The following TANGO6 variants were observed in gnomAD, a reference collection of about 807,000 sequenced individuals.
TANGO6 encodes transport and golgi organization 6 homolog.
In TANGO6, 90 loss-of-function variants were observed where a neutral mutation model predicts 114.2. The observed-to-expected ratio is 0.79, with a 90% CI of 0.66 to 0.94. The LOEUF (loss-of-function observed/expected upper bound fraction) is 0.94, where lower values mean the gene tolerates loss of function less well. TANGO6 is among the 40% of genes least tolerant of loss of function. The pLI is 0.00. For missense variants in TANGO6, 1,274 were observed against 1,315.3 expected, an observed-to-expected ratio of 0.97 and a Z score of 0.49; for synonymous variants, 477 against 509.8, an observed-to-expected ratio of 0.94 and a Z score of 0.87.
intron 15 of TANGO6, among the ~76,000 whole-genome samples, chr16:68,983,905 T>C (rs6499212): frequency 0.14 from 21,894 of 151,674 alleles, 2,173 homozygotes; most frequent in African/African-American, 0.27. Flanking sequence ...TGTTGGCGGG[T>C]GCCTGTTGTC....
chr16:68,891,937 G>T (rs1394316900), intron 7 of TANGO6, among the ~76,000 whole-genome samples: 1 of 148,408 alleles, frequency 6.7e-6, no homozygotes, highest in Non-Finnish European at 1.5e-5. Context: ...GAGGGAGGGA[G>T]AGAGGAAGGA....
chr16:69,016,859 C>G (rs1044437503), intron 15 of TANGO6, among the ~76,000 whole-genome samples: 1 of 152,036 alleles, frequency 6.6e-6, no homozygotes, highest in Non-Finnish European at 1.5e-5. Flanking sequence ...ATGGGTTTCA[C>G]CATGTTGGCC....
chr16:69,057,776 G>A (rs1242865658), intron 17 of TANGO6, among the ~76,000 whole-genome samples: 1 of 152,114 alleles, frequency 6.6e-6, no homozygotes, highest in African/African-American at 2.4e-5. Flanking sequence ...AAGTGTTCAG[G>A]CACCCGGGTT....
chr16:68,980,409 C>CTCTCTCTCTCTATATA (rs1408626276), intron 15 of TANGO6, among the ~76,000 whole-genome samples: 4 of 67,992 alleles, frequency 5.9e-5, no homozygotes, highest in African/African-American at 2.6e-4. Flanking sequence ...CTCTCTCTCT[C>CTCTCTCTCTCTATATA]TATATATATA....
intron 15 of TANGO6, among the ~76,000 whole-genome samples, chr16:68,998,166 T>A (rs1040641812): frequency 6.6e-6 from 1 of 152,218 alleles, no homozygotes; most frequent in Non-Finnish European, 1.5e-5. Context: ...TTTCATGAAC[T>A]GGGCAGTTGT....
chr16:69,015,492 A>ATTTATTTATTTATTTC (rs1959279352), intron 15 of TANGO6, among the ~76,000 whole-genome samples: 1 of 151,230 alleles, frequency 6.6e-6, no homozygotes, highest in Non-Finnish European at 1.5e-5. Flanking sequence ...TTATTTATTT[A>ATTTATTTATTTATTTC]TTTATTTTAA....
At chr16:69,038,654 A>G (rs1959727865) in intron 16 of TANGO6, among the ~76,000 whole-genome samples, 1 of 152,186 alleles carries the variant, frequency 6.6e-6, no homozygotes, top group African/African-American at 2.4e-5. Context: ...TGGCTGTTAC[A>G]TTCAACTGTT....
intron 15 of TANGO6, among the ~76,000 whole-genome samples, chr16:68,980,888 G>A (rs1282263048): frequency 6.6e-6 from 1 of 151,770 alleles, no homozygotes; most frequent in East Asian, 2.0e-4. Context: ...CCAGCTACTC[G>A]GGAAGCTGAC....
intron 15 of TANGO6, among the ~76,000 whole-genome samples, chr16:69,015,770 G>A (rs1035249044): frequency 5.9e-5 from 9 of 151,966 alleles, no homozygotes; most frequent in East Asian, 5.8e-4. Context: ...ATGAGCCACC[G>A]CACCTGGCCA....
chr16:69,050,480 A>T (rs1959931169), intron 17 of TANGO6, among the ~76,000 whole-genome samples: 2 of 148,762 alleles, frequency 1.3e-5, no homozygotes, highest in South Asian at 4.2e-4. Context: ...CTATGCCACC[A>T]TGCCCAGCTA....
intron 7 of TANGO6, among the ~76,000 whole-genome samples, chr16:68,894,660 G>T (rs1348795482): frequency 1.3e-5 from 2 of 152,182 alleles, no homozygotes; most frequent in East Asian, 1.9e-4. Context: ...ATCTCATTAT[G>T]CACAGGGGAA....
chr16:68,912,720 C>G (rs1482457913), intron 11 of TANGO6, among the ~76,000 whole-genome samples: 2 of 151,830 alleles, frequency 1.3e-5, no homozygotes, highest in Admixed American at 6.6e-5. Flanking sequence ...GTGTACTGAA[C>G]ACGTTTATCT....
intron 17 of TANGO6, among the ~76,000 whole-genome samples, chr16:69,064,850 G>A (rs1960189562): frequency 6.6e-6 from 1 of 152,172 alleles, no homozygotes; most frequent in Non-Finnish European, 1.5e-5. Flanking sequence ...TTCAGATGCT[G>A]TCTAATCCCA....
intron 15 of TANGO6, among the ~76,000 whole-genome samples, chr16:68,985,152 C>A (rs1034200880): frequency 3.3e-5 from 5 of 151,922 alleles, no homozygotes; most frequent in Admixed American, 6.6e-5. Context: ...GGATTACAGG[C>A]GTGAACTACC....
chr16:68,864,483 A>C (rs1385103630), intron 3 of TANGO6, among the ~76,000 whole-genome samples: 3 of 152,096 alleles, frequency 2.0e-5, no homozygotes, highest in Admixed American at 6.6e-5. Context: ...CTGGAAGCTG[A>C]GGTGGGAGGA....
In TANGO6 at chr16:69,045,415, G is replaced by A. The variant is rs1309872174; in HGVS notation, c.3108+4994G>A. Among the ~76,000 whole-genome samples the A allele has an allele frequency of 3.6e-5, 5 of 138,710 alleles. No homozygotes were observed. In the East Asian group the frequency reaches 1.1e-3, roughly 29 times the overall value. The allele number at this position is 138,710 out of a possible 152,430, so 91.0% of individuals were successfully genotyped here. On this transcript the variant is annotated intron_variant, in intron 17 of 17. Transcript: ENST00000261778. ...GCCAAGATCGAGCCACTGCACTCCA[G>A]CCTGGGTGACTGAGCGAGACTCCAT...
At chr16:69,055,447 T>C (rs1054232847) in intron 17 of TANGO6, among the ~76,000 whole-genome samples, 1 of 152,228 alleles carries the variant, frequency 6.6e-6, no homozygotes, top group Non-Finnish European at 1.5e-5. Context: ...CCCAGTGTTA[T>C]ATCCAACACT....
At chr16:69,063,908 C>T (rs2152241111) in intron 17 of TANGO6, among the ~76,000 whole-genome samples, 1 of 151,590 alleles carries the variant, frequency 6.6e-6, no homozygotes, top group African/African-American at 2.4e-5. Flanking sequence ...ACGATCTCAA[C>T]TAACTGCAAA....
intron 3 of TANGO6, 129 bp from the exon 4 acceptor site, chr16:68,866,950 A>C: frequency 4.3e-6 from 4 of 921,306 alleles, no homozygotes; most frequent in Non-Finnish European, 6.1e-6. Flanking sequence ...TAAATAAATA[A>C]GTCTGCATAT....
Sources: gnomAD v4.1 joint callset for allele counts (sites outside exome capture counted in the v4.1 genomes callset) on GRCh38, gnomAD v4.1.1 for gene constraint, MANE v1.5 for transcripts, NCBI Gene and HGNC (gene_info 2026-07-23, HGNC 2026-07-21) for gene names.